BTC: variants seen among roughly 807,000 people sequenced by gnomAD.
BTC encodes betacellulin.
A neutral mutation model predicts 18.1 loss-of-function variants in BTC; 13 were observed. The observed-to-expected ratio is 0.72, with a 90% CI of 0.47 to 1.14. BTC has a LOEUF of 1.14. Among genes scored for constraint, BTC ranks in the 50% most tolerant of loss-of-function variants. BTC has a pLI of 0.00. For missense variants in BTC, 247 were observed against 224.2 expected, an observed-to-expected ratio of 1.10 and a Z score of -0.65; for synonymous variants, 83 against 79.4, an observed-to-expected ratio of 1.05 and a Z score of -0.24.
intron 3 of BTC, among the ~76,000 whole-genome samples, chr4:74,754,112 C>A (rs937407163): frequency 1.3e-5 from 2 of 152,194 alleles, no homozygotes; most frequent in Non-Finnish European, 2.9e-5. Context: ...GTCTATCTGA[C>A]TCCAAAATCT....
At chr4:74,772,568 T>C (rs1340370256) in intron 1 of BTC, among the ~76,000 whole-genome samples, 1 of 151,972 alleles carries the variant, frequency 6.6e-6, no homozygotes, top group Non-Finnish European at 1.5e-5. Context: ...TAATAAAATA[T>C]GTTTAATTCA....
intron 1 of BTC, among the ~76,000 whole-genome samples, chr4:74,783,291 G>T (rs1168198361): frequency 1.3e-5 from 2 of 152,104 alleles, no homozygotes; most frequent in Non-Finnish European, 1.5e-5. Flanking sequence ...GTGTAAAGAA[G>T]GGGTCCAGTT....
At chr4:74,785,017 T>C (rs1473107011) in intron 1 of BTC, among the ~76,000 whole-genome samples, 1 of 152,190 alleles carries the variant, frequency 6.6e-6, no homozygotes, top group African/African-American at 2.4e-5. Context: ...GTCTTCTTTG[T>C]ACCTCTGGTA....
intron 2 of BTC, among the ~76,000 whole-genome samples, chr4:74,763,313 A>T (rs1553957511): frequency 6.6e-6 from 1 of 152,144 alleles, no homozygotes; most frequent in Non-Finnish European, 1.5e-5. Flanking sequence ...ATTTACAAAT[A>T]ATATTTTCTT....
At position 74,767,293 on chromosome 4, in the gene BTC, C is replaced by T. The variant is rs989387211; in HGVS notation, c.163+2765G>A. Among the ~76,000 whole-genome samples the T allele has an allele frequency of 5.3e-5, 8 of 151,342 alleles. No homozygotes were observed. In the South Asian group the frequency reaches 8.3e-4, roughly 16 times the overall value. ...CAGTTGTATTTGTACACACTAATCA[C>T]GAACTATTCAAAAAGCAAAGTAAAA... On this transcript the variant is annotated intron_variant, in intron 2 of 5. Coordinates refer to ENST00000395743, the MANE Select transcript of BTC (RefSeq NM_001729.4).
At chr4:74,758,801 G>A (rs1724672716) in intron 2 of BTC, among the ~76,000 whole-genome samples, 1 of 152,274 alleles carries the variant, frequency 6.6e-6, no homozygotes, top group Non-Finnish European at 1.5e-5. Context: ...CCTTTGCCAA[G>A]TAAGCATGCT....
At chr4:74,766,313 T>A (rs984570425) in intron 2 of BTC, among the ~76,000 whole-genome samples, 9 of 152,100 alleles carry the variant, frequency 5.9e-5, no homozygotes, top group African/African-American at 1.9e-4. Flanking sequence ...TTACTGTAAC[T>A]TTTTTATTGT....
At chr4:74,782,144 A>G (rs1560723091) in intron 1 of BTC, among the ~76,000 whole-genome samples, 3 of 152,016 alleles carry the variant, frequency 2.0e-5, no homozygotes, top group African/African-American at 7.3e-5. Context: ...GTACATGTGC[A>G]GGATATGCAG....
intron 2 of BTC, among the ~76,000 whole-genome samples, chr4:74,758,371 T>C (rs1724658584): frequency 6.6e-6 from 1 of 152,076 alleles, no homozygotes; most frequent in Admixed American, 6.5e-5. Flanking sequence ...TGTCACCATA[T>C]TATATAAGAG....
intron 1 of BTC, among the ~76,000 whole-genome samples, chr4:74,771,921 C>T (rs28695767): frequency 0.18 from 27,422 of 152,092 alleles, 4,130 homozygotes; most frequent in African/African-American, 0.42. Context: ...TAACTGACAA[C>T]AGAGGATTAA....
intron 1 of BTC, among the ~76,000 whole-genome samples, chr4:74,778,959 T>C (rs1725248000): frequency 6.6e-6 from 1 of 152,084 alleles, no homozygotes; most frequent in South Asian, 2.1e-4. Context: ...TTAAATCACA[T>C]CATCTGGAGA....
chr4:74,776,963 T>C (rs1560720753), intron 1 of BTC, among the ~76,000 whole-genome samples: 1 of 152,192 alleles, frequency 6.6e-6, no homozygotes, highest in Non-Finnish European at 1.5e-5. Context: ...TCACATTCCA[T>C]GTCTCATTAG....
intron 1 of BTC, among the ~76,000 whole-genome samples, chr4:74,792,601 C>A (rs1560728609): frequency 6.6e-6 from 1 of 152,194 alleles, no homozygotes. Flanking sequence ...TGATTCTGTT[C>A]CAAATATTCT....
At chr4:74,752,045 G>A (rs1047657789) in intron 3 of BTC, among the ~76,000 whole-genome samples, 11 of 152,114 alleles carry the variant, frequency 7.2e-5, no homozygotes, top group Admixed American at 1.3e-4. Flanking sequence ...AAAAGCCAAG[G>A]CAGTTAATCC....
chr4:74,789,719 T>C (rs951801922), intron 1 of BTC, among the ~76,000 whole-genome samples: 2 of 152,358 alleles, frequency 1.3e-5, no homozygotes, highest in African/African-American at 4.8e-5. Flanking sequence ...CTTTTGACAT[T>C]GCATCATCAT....
intron 1 of BTC, among the ~76,000 whole-genome samples, chr4:74,784,576 C>G (rs1042658386): frequency 9.9e-5 from 15 of 152,124 alleles, no homozygotes; most frequent in Admixed American, 2.6e-4. Context: ...ATATATGGCT[C>G]TTACTGTTTT....
intron 1 of BTC, among the ~76,000 whole-genome samples, chr4:74,773,129 C>A (rs571067574): frequency 2.0e-5 from 3 of 152,326 alleles, no homozygotes; most frequent in Admixed American, 1.3e-4. Context: ...GGGTGTGAAC[C>A]AAAGCAAGCC....
chr4:74,758,097 T>C (rs565373999), intron 2 of BTC, among the ~76,000 whole-genome samples: 1 of 152,096 alleles, frequency 6.6e-6, no homozygotes, highest in South Asian at 2.1e-4. Flanking sequence ...GAACAAGCAA[T>C]TGAGTTATGG....
intron 2 of BTC, among the ~76,000 whole-genome samples, chr4:74,758,041 C>A (rs1724649729): frequency 6.6e-6 from 1 of 152,032 alleles, no homozygotes; most frequent in Admixed American, 6.6e-5. Flanking sequence ...AGAATGCTGA[C>A]CTAATCAAAG....
Sources: gnomAD v4.1 joint callset for allele counts (sites outside exome capture counted in the v4.1 genomes callset) on GRCh38, gnomAD v4.1.1 for gene constraint, MANE v1.5 for transcripts, NCBI Gene and HGNC (gene_info 2026-07-23, HGNC 2026-07-21) for gene names.